The following TAFA5 variants were observed in gnomAD, a reference collection of about 807,000 sequenced individuals.
The protein encoded by TAFA5 is chemokine-like protein TAFA-5.
In TAFA5, 6 loss-of-function variants were observed where a neutral mutation model predicts 15.3. The observed-to-expected ratio is 0.39, with a 90% confidence interval of 0.21 to 0.77. The LOEUF is 0.77. Ranked by LOEUF, TAFA5 falls within the 30% of genes least tolerant of loss-of-function variation. The probability of loss-of-function intolerance (pLI) is 0.41; values close to 1 mark genes in which losing one functional copy is unlikely to be tolerated. For missense variants in TAFA5, 161 were observed against 193.1 expected (o/e 0.83, Z 0.98); for synonymous variants, 103 against 80.7 (o/e 1.28, Z -1.48).
intron 1 of TAFA5, among the ~76,000 whole-genome samples, chr22:48,495,995 T>C (rs1443300563): frequency 6.6e-6 from 1 of 152,222 alleles, no homozygotes; most frequent in Non-Finnish European, 1.5e-5. Flanking sequence ...ATACTCCGGA[T>C]TGGACATAGG....
intron 1 of TAFA5, among the ~76,000 whole-genome samples, chr22:48,584,297 ACAG>A (rs911528585): frequency 3.4e-5 from 5 of 149,062 alleles, no homozygotes; most frequent in African/African-American, 9.9e-5. Flanking sequence ...CACACAGCAG[ACAG>A]CAGACCACAC....
In TAFA5 at chr22:48,522,095, A is replaced by T. The variant is rs546436435; in HGVS notation, c.112+32391A>T. Among the ~76,000 whole-genome samples, 14 of 152,350 alleles carry T rather than the reference A, an allele frequency of 9.2e-5. No individual in the cohort carries two copies. In the South Asian group the frequency reaches 2.9e-3, roughly 32 times the overall value. On this transcript the variant is annotated intron_variant, in intron 1 of 3. Coordinates refer to ENST00000402357, the MANE Select transcript of TAFA5 (RefSeq NM_001082967.3). ...GCAAGTAACGGAACACGTGACCAGC[A>T]TTGGCTTAAACAGCAAGGACGTTGT...
intron 1 of TAFA5, among the ~76,000 whole-genome samples, chr22:48,507,379 G>A (rs1350320077): frequency 2.0e-5 from 3 of 152,190 alleles, no homozygotes; most frequent in African/African-American, 7.2e-5. Flanking sequence ...ATGAGTTGAA[G>A]CCCTGGTCCT....
In TAFA5 at chr22:48,713,308, G is replaced by A. The variant is rs1351474092; in HGVS notation, c.390+5464G>A. Among the ~76,000 whole-genome samples the A allele has an allele frequency of 2.0e-5, 3 of 152,214 alleles. No individual in the cohort carries two copies. In the East Asian group the frequency reaches 5.8e-4, roughly 29 times the overall value. Reference sequence around the variant, plus strand: ...GGCAGCTGCCGCTGATCTCGTGGGGGCTCGGATGTCTAAATTCCACCCCGG... The same window carrying A: ...GGCAGCTGCCGCTGATCTCGTGGGGACTCGGATGTCTAAATTCCACCCCGG... On this transcript the variant is annotated intron_variant, in intron 3 of 3. Coordinates refer to ENST00000402357, the MANE Select transcript of TAFA5 (RefSeq NM_001082967.3).
At chr22:48,554,660 T>C (rs1922967798) in intron 1 of TAFA5, among the ~76,000 whole-genome samples, 1 of 152,196 alleles carries the variant, frequency 6.6e-6, no homozygotes, top group African/African-American at 2.4e-5. Flanking sequence ...AAATGAATAT[T>C]AAAAGCTATT....
At chr22:48,737,206 C>T (rs1054411783) in intron 3 of TAFA5, among the ~76,000 whole-genome samples, 2 of 152,160 alleles carry the variant, frequency 1.3e-5, no homozygotes, top group Non-Finnish European at 2.9e-5. Context: ...AGGCCTGTCC[C>T]ACCCCAAATG....
At chr22:48,686,064 G>T (rs1928344986) in intron 2 of TAFA5, among the ~76,000 whole-genome samples, 3 of 152,080 alleles carry the variant, frequency 2.0e-5, no homozygotes, top group Non-Finnish European at 4.4e-5. Context: ...AGTTGGAAGG[G>T]GTGCTGAGTG....
At chr22:48,698,277 A>G (rs1258396321) in intron 2 of TAFA5, among the ~76,000 whole-genome samples, 2 of 151,808 alleles carry the variant, frequency 1.3e-5, no homozygotes, top group Non-Finnish European at 2.9e-5. Context: ...GGAGTTCGAG[A>G]CCAGCCTGGC....
chr22:48,542,915 TGTGTACTG>T (rs1302359247), intron 1 of TAFA5, among the ~76,000 whole-genome samples: 2 of 151,260 alleles, frequency 1.3e-5, no homozygotes, highest in African/African-American at 4.9e-5. Context: ...TATAGTGATA[TGTGTACTG>T]GTGTACTGTC....
chr22:48,539,012 G>C (rs748754016), intron 1 of TAFA5: 1 of 193,994 alleles, frequency 5.2e-6, no homozygotes. Context: ...ATACATAGTC[G>C]TTTTTGTAAA....
chr22:48,706,669 G>A (rs1013566699), intron 2 of TAFA5, among the ~76,000 whole-genome samples: 15 of 152,354 alleles, frequency 9.8e-5, no homozygotes, highest in Admixed American at 9.8e-4. Context: ...TGCCGGGCAG[G>A]TGTTTGGTAT....
intron 1 of TAFA5, among the ~76,000 whole-genome samples, chr22:48,634,672 GTCACTCAGTCAA>G (rs1926380627): frequency 1.4e-5 from 2 of 141,754 alleles, no homozygotes; most frequent in Admixed American, 6.8e-5. Context: ...CACTCACTGA[GTCACTCAGTCAA>G]TCACTCAGTC....
chr22:48,618,053 G>A (rs576736959), intron 1 of TAFA5, among the ~76,000 whole-genome samples: 53 of 152,346 alleles, frequency 3.5e-4, no homozygotes, highest in Middle Eastern at 3.4e-3. Flanking sequence ...TAAGTGTGGC[G>A]CCAGGCTCTG....
intron 1 of TAFA5, among the ~76,000 whole-genome samples, chr22:48,587,577 C>T (rs1349472612): frequency 6.6e-6 from 1 of 152,152 alleles, no homozygotes; most frequent in African/African-American, 2.4e-5. Flanking sequence ...GGGAATGGAG[C>T]CCTGGAGGGT....
Position 48,572,437 on chromosome 22 carries a change from G to A in TAFA5, c.113-74160G>A, listed in dbSNP as rs114418303. On this transcript the variant is annotated intron_variant, in intron 1 of 3. Transcript: ENST00000402357. ...GGTCCCCACATTTGCTGGTGCTGGCGGCTTGACCCTAGGGACAGGTGTTTT... is the reference window on the plus strand; with the variant it reads ...GGTCCCCACATTTGCTGGTGCTGGCAGCTTGACCCTAGGGACAGGTGTTTT... 4.8e-3 allele frequency among the ~76,000 whole-genome samples: 735 copies of A among 152,318 alleles called. 5 individuals are homozygous for A. The highest frequency in any genetic ancestry group is 0.015 in the African/African-American group (634 of 41,570).
At chr22:48,729,937 T>C (rs1929822927) in intron 3 of TAFA5, among the ~76,000 whole-genome samples, 1 of 152,100 alleles carries the variant, frequency 6.6e-6, no homozygotes, top group African/African-American at 2.4e-5. Context: ...GCCTAGCAGC[T>C]GCATACACCC....
At chr22:48,535,330 A>G (rs1285561067) in intron 1 of TAFA5, among the ~76,000 whole-genome samples, 4 of 152,244 alleles carry the variant, frequency 2.6e-5, no homozygotes, top group Non-Finnish European at 4.4e-5. Context: ...GCACATTTAC[A>G]AATAATACCT....
chr22:48,629,423 C>G (rs1363723997), intron 1 of TAFA5, among the ~76,000 whole-genome samples: 1 of 152,242 alleles, frequency 6.6e-6, no homozygotes, highest in African/African-American at 2.4e-5. Context: ...CTCCAGGCCC[C>G]CCTCCGGATG....
chr22:48,663,816 T>C (rs966981188), intron 2 of TAFA5, among the ~76,000 whole-genome samples: 1 of 152,228 alleles, frequency 6.6e-6, no homozygotes. Context: ...AGACGGACTG[T>C]CGTGGCATCA....
Sources: gnomAD v4.1 joint callset for allele counts (sites outside exome capture counted in the v4.1 genomes callset) on GRCh38, gnomAD v4.1.1 for gene constraint, MANE v1.5 for transcripts, NCBI Gene and HGNC (gene_info 2026-07-23, HGNC 2026-07-21) for gene names.